Variants in RBM20 observed in about 807,000 individuals in gnomAD.
RBM20 encodes RNA-binding protein 20.
In RBM20, 51 loss-of-function variants were observed where a neutral mutation model predicts 110.1. The ratio of observed to expected loss-of-function variants is 0.46; its 90% confidence interval spans 0.37 to 0.59. The LOEUF is 0.59. RBM20 is among the 20% of genes least tolerant of loss of function. The probability of loss-of-function intolerance (pLI) is 0.00; values close to 1 mark genes in which losing one functional copy is unlikely to be tolerated. For synonymous variants in RBM20, 589 were observed against 618.2 expected (o/e 0.95, Z 0.70); for missense variants, 1,512 against 1,574.9 (o/e 0.96, Z 0.68).
In RBM20 at chr10:110,783,071, G is replaced by A. The variant is rs1162534150; in HGVS notation, c.1276-295G>A. Among the ~76,000 whole-genome samples, 4 of 152,114 alleles carry A rather than the reference G, an allele frequency of 2.6e-5. No homozygotes were observed. In the South Asian group the frequency reaches 6.2e-4, roughly 24 times the overall value. On this transcript the variant is annotated intron_variant, in intron 2 of 13. Coordinates refer to ENST00000369519, the MANE Select transcript of RBM20 (RefSeq NM_001134363.3). ...GTGGGAGGTGGGAGGTAGGTGGTGG[G>A]GGCAAGGGTCCATTGAGAGGGGTAG...
At chr10:110,776,163 C>G (rs575747502) in intron 1 of RBM20, among the ~76,000 whole-genome samples, 3 of 152,278 alleles carry the variant, frequency 2.0e-5, no homozygotes, top group South Asian at 4.2e-4. Flanking sequence ...TGGCCCCTGA[C>G]TACATTCCCA....
intron 6 of RBM20, 47 bp downstream of exon 6, chr10:110,797,695 A>G: frequency 6.6e-7 from 1 of 1,514,406 alleles, no homozygotes. Context: ...CAGACCACAC[A>G]TTAGTGAAAG....
chr10:110,790,639 G>A (rs1263767401), intron 5 of RBM20, among the ~76,000 whole-genome samples: 1 of 152,158 alleles, frequency 6.6e-6, no homozygotes, highest in Non-Finnish European at 1.5e-5. Flanking sequence ...ACCAGATAAC[G>A]TCATACAATC....
At chr10:110,746,349 G>C (rs1366957057) in intron 1 of RBM20, among the ~76,000 whole-genome samples, 2 of 152,184 alleles carry the variant, frequency 1.3e-5, no homozygotes, top group African/African-American at 4.8e-5. Flanking sequence ...AATGGGAGGG[G>C]CTTCCAGGAA....
At chr10:110,835,732 A>T in intron 13 of RBM20, 136 bp from the exon 14 acceptor site, 1 of 772,940 alleles carries the variant, frequency 1.3e-6, no homozygotes, top group South Asian at 2.3e-5. Context: ...GGGATCTCTG[A>T]ACCAGGAAAA....
chr10:110,672,331 G>A (rs1862273661), intron 1 of RBM20, among the ~76,000 whole-genome samples: 1 of 151,966 alleles, frequency 6.6e-6, no homozygotes, highest in African/African-American at 2.4e-5. Context: ...TTTCTGCTGA[G>A]CTCTCCGAAT....
chr10:110,741,373 A>G (rs1843723740), intron 1 of RBM20, among the ~76,000 whole-genome samples: 1 of 152,188 alleles, frequency 6.6e-6, no homozygotes, highest in Non-Finnish European at 1.5e-5. Flanking sequence ...AGATGTCAGT[A>G]TTTAGGGGAC....
In RBM20 at chr10:110,838,359, C is replaced by T. The variant is rs986347187; in HGVS notation, c.*2381C>T. The T allele has an allele frequency of 6.6e-6, 1 of 152,212 alleles. No homozygotes were observed. The highest frequency in any genetic ancestry group is 2.4e-5 in the African/African-American group (1 of 41,450). 9.4% of individuals were successfully genotyped at this position (152,212 alleles called of 1,614,324 possible). On this transcript the variant is annotated 3_prime_UTR_variant, in exon 14 of 14. Coordinates refer to ENST00000369519, the MANE Select transcript of RBM20 (RefSeq NM_001134363.3). ...CTCAAATAAAGTCTGAAGATCACGGCTCAGCCCAGATTGTTCCCCTGGCCA... is the reference window on the plus strand; with the variant it reads ...CTCAAATAAAGTCTGAAGATCACGGTTCAGCCCAGATTGTTCCCCTGGCCA...
intron 1 of RBM20, chr10:110,756,612 AGAG>A (rs1365977786): frequency 6.6e-6 from 1 of 152,208 alleles, no homozygotes; most frequent in African/African-American, 2.4e-5. Context: ...CTTTCTGTCC[AGAG>A]GAGTTCTATC....
intron 7 of RBM20, among the ~76,000 whole-genome samples, chr10:110,804,830 C>T (rs1417780187): frequency 6.6e-6 from 1 of 152,210 alleles, no homozygotes; most frequent in Non-Finnish European, 1.5e-5. Context: ...GTCTCCCAGT[C>T]ACTTCATCAG....
chr10:110,810,288 TG>T, intron 7 of RBM20, 94 bp from the exon 8 acceptor site: 1 of 868,848 alleles, frequency 1.2e-6, no homozygotes, highest in Non-Finnish European at 1.9e-6. Context: ...TCCCTTTTGG[TG>T]GACCAGGCAA....
intron 1 of RBM20, among the ~76,000 whole-genome samples, chr10:110,663,912 G>A (rs4918553): frequency 0.87 from 132,653 of 152,178 alleles, 58,486 homozygotes; most frequent in Non-Finnish European, 0.94. Context: ...AAACATATGA[G>A]TATACATAAT....
intron 1 of RBM20, among the ~76,000 whole-genome samples, chr10:110,676,720 C>A (rs1862344783): frequency 6.6e-6 from 1 of 152,212 alleles, no homozygotes; most frequent in Non-Finnish European, 1.5e-5. Context: ...TTGGTTGTGA[C>A]AAACCTATTT....
At position 110,835,913 on chromosome 10, in the gene RBM20, G is replaced by T; in HGVS notation, c.3619G>T (p.Gly1207Trp). The T allele has an allele frequency of 6.5e-7, 1 of 1,537,320 alleles. No individual in the cohort carries two copies. Among genetic ancestry groups the T allele is most frequent in the East Asian group, 2.5e-5 (1 of 40,726 alleles). ...LAEEGLKETE[G>W]ADSPRPEDSG... ...CGAGGAGGGCCTCAAGGAGACCGAG[G>T]GGGCAGATAGCCCGAGGCCAGAGGA... The change falls in exon 14 of 14, where the codon GGG (glycine) becomes TGG (tryptophan). Residue 1207 changes from glycine (G) to tryptophan (W), a missense_variant. By Grantham distance (184) the Gly-to-Trp change is radical. This residue lies in a region of RBM20 where 358 missense variants were observed against 384.2 expected (regional missense o/e 0.93). Transcript: ENST00000369519.
intron 9 of RBM20, among the ~76,000 whole-genome samples, chr10:110,818,525 G>A (rs1844870939): frequency 1.3e-5 from 2 of 152,234 alleles, no homozygotes; most frequent in Non-Finnish European, 2.9e-5. Context: ...GCAGCTGGGG[G>A]CACCCGTTGC....
At chr10:110,710,800 C>T (rs1590630357) in intron 1 of RBM20, among the ~76,000 whole-genome samples, 1 of 152,208 alleles carries the variant, frequency 6.6e-6, no homozygotes, top group East Asian at 1.9e-4. Flanking sequence ...GAAGTGAGGT[C>T]AGGAACCCTT....
rs569650254 is a variant in RBM20, at chr10:110,788,654, G to A, written c.1527+3765G>A. On this transcript the variant is annotated intron_variant, in intron 5 of 13. Transcript: ENST00000369519. ...CTGTCTTGAGGAAAACCTGAAATGCGAGAACATTGACATTTGAAGACAAGC... is the reference window on the plus strand; with the variant it reads ...CTGTCTTGAGGAAAACCTGAAATGCAAGAACATTGACATTTGAAGACAAGC... Among the ~76,000 whole-genome samples the A allele has an allele frequency of 1.2e-4, 18 of 152,324 alleles. 1 individual carries two copies. The highest frequency in any genetic ancestry group is 6.2e-4 in the South Asian group (3 of 4,830).
rs1844600966 is a variant in RBM20 at position 110,799,918 on chromosome 10, G to A, written c.1800G>A (p.Lys600=). ...AGAGATACAAGGAATTGCAGCTCAA[G>A]GTAAAGCATTATCTTGCTCATTCAG... ...MSKRYKELQL[K]KPGKAVAAII... Residue 600 remains lysine, a splice_region_variant and synonymous_variant, in exon 7 of 14, where the codon AAG becomes AAA. Coordinates refer to ENST00000369519, the MANE Select transcript of RBM20 (RefSeq NM_001134363.3). 1 of 1,551,726 alleles carries A rather than the reference G, an allele frequency of 6.4e-7. No homozygotes were observed. Among genetic ancestry groups the A allele is most frequent in the South Asian group, 1.2e-5 (1 of 84,050 alleles).
intron 1 of RBM20, among the ~76,000 whole-genome samples, chr10:110,672,621 C>A (rs1261000338): frequency 2.6e-5 from 4 of 152,276 alleles, no homozygotes; most frequent in Non-Finnish European, 5.9e-5. Context: ...ATGCTTCCGT[C>A]CGCGGATAGG....
Sources: gnomAD v4.1 joint callset for allele counts (sites outside exome capture counted in the v4.1 genomes callset) on GRCh38, gnomAD v4.1.1 for gene constraint, gnomAD v4.1.1 regional missense constraint, MANE v1.5 for transcripts, NCBI Gene and HGNC (gene_info 2026-07-23, HGNC 2026-07-21) for gene names.